Variants in MTBP observed in about 807,000 individuals in gnomAD.
MTBP encodes the protein MDM2 binding protein, also known as mdm2-binding protein.
MTBP carries 101 observed loss-of-function variants against 117.0 expected under a neutral mutation model. That is an observed-to-expected ratio of 0.86 (90% CI 0.73 to 1.02). MTBP has a LOEUF of 1.02. MTBP is among the 50% of genes least tolerant of loss of function. The probability of loss-of-function intolerance (pLI) is 0.00; values close to 1 mark genes in which losing one functional copy is unlikely to be tolerated. For missense variants in MTBP, 970 were observed against 1,030.9 expected (o/e 0.94, Z 0.81); for synonymous variants, 350 against 351.5 (o/e 1.00, Z 0.05).
At chr8:120,505,746 A>G (rs961804646) in intron 15 of MTBP, among the ~76,000 whole-genome samples, 1 of 152,202 alleles carries the variant, frequency 6.6e-6, no homozygotes, top group African/African-American at 2.4e-5. Flanking sequence ...GATTCAGTGC[A>G]TAGTGAAACC....
chr8:120,496,771 G>C (rs1011663763), intron 13 of MTBP, among the ~76,000 whole-genome samples: 3 of 151,656 alleles, frequency 2.0e-5, no homozygotes, highest in Non-Finnish European at 4.4e-5. Flanking sequence ...AGCTTGCATA[G>C]GGGAAGGACC....
chr8:120,518,865 G>A, intron 20 of MTBP, 48 bp downstream of exon 20: 1 of 1,278,216 alleles, frequency 7.8e-7, no homozygotes, highest in Non-Finnish European at 1.1e-6. Flanking sequence ...ATGTTCTAAT[G>A]TTCCTGTTTG....
Sources: allele counts gnomAD v4.1 joint callset (sites outside exome capture counted in the v4.1 genomes callset), GRCh38; gene constraint gnomAD v4.1.1; transcripts MANE v1.5; gene names NCBI Gene and HGNC (gene_info 2026-07-23, HGNC 2026-07-21).